Variants in HDAC11 observed in about 807,000 individuals in gnomAD.
The protein encoded by HDAC11 is histone deacetylase 11.
A neutral mutation model predicts 41.1 loss-of-function variants in HDAC11; 23 were observed. The ratio of observed to expected loss-of-function variants is 0.56; its 90% CI spans 0.40 to 0.79. The LOEUF is 0.79. Among genes scored for constraint, HDAC11 ranks in the 30% least tolerant of loss-of-function variants. HDAC11 has a pLI of 0.00. For synonymous variants in HDAC11, 187 were observed against 186.6 expected (o/e 1.00, Z -0.02); for missense variants, 402 against 477.3 (o/e 0.84, Z 1.47).
Position 13,490,369 on chromosome 3 carries a change from A to AT in HDAC11, c.253-6361dup, listed in dbSNP as rs1202506718. ...CATGTGAATTATAGCATCAACTTCC[A>AT]TTTTTTGCAAAAAAGGCCATTGGGA... On this transcript the variant is annotated intron_variant, in intron 3 of 9. Coordinates refer to ENST00000295757, the MANE Select transcript of HDAC11 (RefSeq NM_024827.4). Among the ~76,000 whole-genome samples, 14 of 152,114 alleles carry AT rather than the reference A, an allele frequency of 9.2e-5. No homozygotes were observed. In the East Asian group the frequency reaches 2.1e-3, roughly 23 times the overall value.
At position 13,486,480 on chromosome 3, in the gene HDAC11, A is replaced by G. The variant is rs116799945; in HGVS notation, c.252+2916A>G. Among the ~76,000 whole-genome samples the G allele has an allele frequency of 5.8e-3, 865 of 149,668 alleles. 6 individuals are homozygous for G. The highest frequency in any genetic ancestry group is 0.02 in the African/African-American group (790 of 40,504). On this transcript the variant is annotated intron_variant, in intron 3 of 9. Coordinates refer to ENST00000295757, the MANE Select transcript of HDAC11 (RefSeq NM_024827.4). The stretch of plus-strand genomic sequence containing the variant: ...GGGCTATGAAGAAAGTGAAAAATAG[A>G]GGGTAATTGGATGGTCAGGGAGGGC...
chr3:13,496,870 G>GT lies in HDAC11; in HGVS notation c.369+18_369+19insT, dbSNP rs1559378028. On this transcript the variant is annotated intron_variant, in intron 4 of 9. Coordinates refer to ENST00000295757, the MANE Select transcript of HDAC11 (RefSeq NM_024827.4). ...CCATAATGGTAGGTGGGGTGGGGGG[G>GT]CATGGCTGGGCTGGGGGCCCCCACA... 1.2e-5 allele frequency: 17 copies of GT among 1,384,966 alleles called. No homozygotes were observed. Among genetic ancestry groups the GT allele is most frequent in the Non-Finnish European group, 1.6e-5 (16 of 1,001,748 alleles). 85.8% of individuals were successfully genotyped at this position (1,384,966 alleles called of 1,614,324 possible). A position where few individuals can be genotyped will look rare whatever the true frequency, so the allele number is the denominator to read the frequency against.
At chr3:13,484,009 G>A (rs1296861626) in intron 3 of HDAC11, among the ~76,000 whole-genome samples, 2 of 152,302 alleles carry the variant, frequency 1.3e-5, no homozygotes, top group Non-Finnish European at 2.9e-5. Context: ...CCAGGCTGGA[G>A]TGCAGTGATG....
At chr3:13,488,187 C>T (rs894215312) in intron 3 of HDAC11, among the ~76,000 whole-genome samples, 4 of 151,940 alleles carry the variant, frequency 2.6e-5, no homozygotes, top group African/African-American at 9.7e-5. Flanking sequence ...GGGGAGTGAG[C>T]TCCTCTTGGT....
intron 8 of HDAC11, 45 bp from the exon 9 acceptor site, chr3:13,504,049 G>C: frequency 6.3e-7 from 1 of 1,582,440 alleles, no homozygotes; most frequent in Non-Finnish European, 8.6e-7. Flanking sequence ...CTGAGCCTCA[G>C]TTTCCCTTCT....
Position 13,500,729 on chromosome 3 carries a change from C to G in HDAC11, c.429C>G (p.His143Gln). The change falls in exon 6 of 10, where the codon CAC (histidine) becomes CAG (glutamine). Residue 143 changes from histidine to glutamine, a missense_variant. Transcript: ENST00000295757. ...CTTCCGCAGGGGGTGGCTTCCACCA[C>G]TGCTCCAGCGACCGTGGCGGGGGCT... is the stretch of plus-strand genomic sequence containing the variant. ...WAINVGGGFH[H>Q]CSSDRGGGFC... 1 of 1,597,060 alleles carries G rather than the reference C, an allele frequency of 6.3e-7. No individual in the cohort carries two copies. The highest frequency in any genetic ancestry group is 8.5e-7 in the Non-Finnish European group (1 of 1,171,286).
chr3:13,503,957 T>A (rs1702488454), intron 8 of HDAC11, 137 bp from the exon 9 acceptor site: 1 of 762,050 alleles, frequency 1.3e-6, no homozygotes, highest in African/African-American at 1.8e-5. Context: ...TCTTTTCACC[T>A]TAGTTTTGGG....
In HDAC11 at chr3:13,495,603, C is replaced by T. The variant is rs115425890; in HGVS notation, c.253-1133C>T. Among the ~76,000 whole-genome samples the T allele has an allele frequency of 2.8e-3, 425 of 152,324 alleles. 3 individuals are homozygous for T. The highest frequency in any genetic ancestry group is 9.7e-3 in the African/African-American group (402 of 41,576). On this transcript the variant is annotated intron_variant, in intron 3 of 9. Transcript: ENST00000295757. ...CTGTTCCCCTAATTGGTTCTCCTTGCTGCAGCTAGTGCAGCTTGGGACAGC... is the reference window on the plus strand; with the variant it reads ...CTGTTCCCCTAATTGGTTCTCCTTGTTGCAGCTAGTGCAGCTTGGGACAGC...
Position 13,504,161 on chromosome 3 carries a change from G to A in HDAC11, c.717G>A (p.Glu239=), listed in dbSNP as rs758531462. The change falls in exon 9 of 10, where the codon GAG becomes GAA. Residue 239 remains glutamate, a synonymous_variant. Coordinates refer to ENST00000295757, the MANE Select transcript of HDAC11 (RefSeq NM_024827.4). The part of the protein sequence containing the change: ...TEDDEYLDKV[E]RNIKKSLQEH... The stretch of plus-strand genomic sequence containing the variant: ...ATGATGAGTACCTGGATAAGGTGGA[G>A]AGGAACATCAAGAAATCCCTCCAGG... 1.2e-5 allele frequency: 20 copies of A among 1,614,012 alleles called. No homozygotes were observed. The highest frequency in any genetic ancestry group is 1.6e-4 in the Middle Eastern group (1 of 6,084).
At position 13,497,854 on chromosome 3, in the gene HDAC11, C is replaced by CTTTTT. The variant is rs10667297; in HGVS notation, c.370-644_370-640dup. Among the ~76,000 whole-genome samples, 49 of 106,076 alleles carry CTTTTT rather than the reference C, an allele frequency of 4.6e-4. 2 individuals are homozygous for CTTTTT. The highest frequency in any genetic ancestry group is 5.5e-4 in the Non-Finnish European group (31 of 56,386). The allele number at this position is 106,076 out of a possible 152,430, so 69.6% of individuals were successfully genotyped here. A position where few individuals can be genotyped will look rare whatever the true frequency, so the allele number is the denominator to read the frequency against. On this transcript the variant is annotated intron_variant, in intron 4 of 9. Coordinates refer to ENST00000295757, the MANE Select transcript of HDAC11 (RefSeq NM_024827.4). ...TTAGTCTACTATATTTCTTTTTTTG[C>CTTTTT]TTTTTTTTTTTTTTTTTTTGAGACA...
At chr3:13,482,377 T>C (rs1430611180) in intron 2 of HDAC11, among the ~76,000 whole-genome samples, 1 of 152,178 alleles carries the variant, frequency 6.6e-6, no homozygotes, top group African/African-American at 2.4e-5. Flanking sequence ...TCCAGGCTGG[T>C]TACTATTGCC....
At position 13,480,635 on chromosome 3, in the gene HDAC11, C is replaced by G. The variant is rs1311158609; in HGVS notation, c.2+286C>G. 1 of 404,518 alleles carries G rather than the reference C, an allele frequency of 2.5e-6. No individual in the cohort carries two copies. The highest frequency in any genetic ancestry group is 5.0e-6 in the Non-Finnish European group (1 of 201,474). The allele number at this position is 404,518 out of a possible 1,614,324, so 25.1% of individuals were successfully genotyped here. ...CGGGTCTGACGTCTGCGCTGCCCAG[C>G]CCCCTGGCTACGCGGACGCCCCCAC... On this transcript the variant is annotated intron_variant, in intron 1 of 9. Transcript: ENST00000295757. This position sits in a 1 kb window ranked among gnomAD's most constrained non-coding sequence, Gnocchi z 4.6.
Position 13,481,523 on chromosome 3 carries a change from A to G in HDAC11, c.151+129A>G, listed in dbSNP as rs760843651. 3.7e-5 allele frequency: 37 copies of G among 1,008,516 alleles called. 1 individual carries two copies. In the Middle Eastern group the frequency reaches 5.8e-3, roughly 159 times the overall value. The allele number at this position is 1,008,516 out of a possible 1,614,324, so 62.5% of individuals were successfully genotyped here. A position where few individuals can be genotyped will look rare whatever the true frequency, so the allele number is the denominator to read the frequency against. ...TCAGCCCTCGGATGGCCTTCCACCC[A>G]TGCTTCCGCCCAAAATGATTTTTCC... On this transcript the variant is annotated intron_variant, in intron 2 of 9. Coordinates refer to ENST00000295757, the MANE Select transcript of HDAC11 (RefSeq NM_024827.4).
In HDAC11 at chr3:13,480,607, G is replaced by T; in HGVS notation, c.2+258G>T. On this transcript the variant is annotated intron_variant, in intron 1 of 9. Coordinates refer to ENST00000295757, the MANE Select transcript of HDAC11 (RefSeq NM_024827.4). This position sits in a 1 kb window ranked among gnomAD's most constrained non-coding sequence, Gnocchi z 4.6. ...CGGACCCGGAGCGGTCGGGCGATGTGCGCGGGTCTGACGTCTGCGCTGCCC... is the reference window on the plus strand; with the variant it reads ...CGGACCCGGAGCGGTCGGGCGATGTTCGCGGGTCTGACGTCTGCGCTGCCC... 1 of 301,700 alleles carries T rather than the reference G, an allele frequency of 3.3e-6. No individual in the cohort carries two copies. The highest frequency in any genetic ancestry group is 8.4e-5 in the South Asian group (1 of 11,950). 18.7% of individuals were successfully genotyped at this position (301,700 alleles called of 1,614,324 possible).
At chr3:13,484,988 C>T (rs1411021014) in intron 3 of HDAC11, among the ~76,000 whole-genome samples, 1 of 152,216 alleles carries the variant, frequency 6.6e-6, no homozygotes, top group Admixed American at 6.5e-5. Context: ...CCCAGGCTCC[C>T]TGGCTGAGCT....
At chr3:13,481,908 A>C (rs1701338862) in intron 2 of HDAC11, among the ~76,000 whole-genome samples, 1 of 151,936 alleles carries the variant, frequency 6.6e-6, no homozygotes, top group African/African-American at 2.4e-5. Flanking sequence ...GGTTCAAACA[A>C]TTTTTCTGCC....
rs745727383 is a variant in HDAC11, at chr3:13,501,588, G to C, written c.490-283G>C. On this transcript the variant is annotated intron_variant, in intron 6 of 9. Coordinates refer to ENST00000295757, the MANE Select transcript of HDAC11 (RefSeq NM_024827.4). ...TCCTAGGGAATCTGGGAAAATCCAG[G>C]GCCTGAGTGACCCACTTACCTCCTG... 5 of 662,946 alleles carry C rather than the reference G, an allele frequency of 7.5e-6. No homozygotes were observed. In the South Asian group the frequency reaches 7.6e-5, roughly 10 times the overall value. The allele number at this position is 662,946 out of a possible 1,614,324, so 41.1% of individuals were successfully genotyped here.
chr3:13,494,070 G>A (rs1701980132), intron 3 of HDAC11, among the ~76,000 whole-genome samples: 2 of 152,254 alleles, frequency 1.3e-5, no homozygotes, highest in African/African-American at 4.8e-5. Context: ...CAGGAGGCAG[G>A]CGGCATAAGC....
intron 3 of HDAC11, among the ~76,000 whole-genome samples, chr3:13,490,017 G>A (rs1384626512): frequency 5.4e-5 from 8 of 149,132 alleles, no homozygotes; most frequent in Non-Finnish European, 1.0e-4. Context: ...TTTTTGAGAC[G>A]CAGTCTCGCT....
Sources: gnomAD v4.1 joint callset for allele counts (sites outside exome capture counted in the v4.1 genomes callset) on GRCh38, gnomAD v4.1.1 for gene constraint, Gnocchi (gnomAD v3.1) non-coding constraint, MANE v1.5 for transcripts, NCBI Gene and HGNC (gene_info 2026-07-23, HGNC 2026-07-21) for gene names.